The following DHX40 variants were observed in gnomAD, a reference collection of about 807,000 sequenced individuals.
The protein encoded by DHX40 is probable ATP-dependent RNA helicase DHX40.
In DHX40, 28 loss-of-function variants were observed where a neutral mutation model predicts 89.6. The ratio of observed to expected loss-of-function variants is 0.31; its 90% CI spans 0.23 to 0.43. DHX40 has a LOEUF of 0.43. Among genes scored for constraint, DHX40 ranks in the 20% least tolerant of loss-of-function variants. The probability of loss-of-function intolerance (pLI) is 1.00; values close to 1 mark genes in which losing one functional copy is unlikely to be tolerated. For synonymous variants in DHX40, 226 were observed against 283.6 expected, an observed-to-expected ratio of 0.80 and a Z score of 2.04; for missense variants, 457 against 844.0, an observed-to-expected ratio of 0.54 and a Z score of 5.68.
rs1181373006 is a variant in DHX40 at position 59,602,573 on chromosome 17, C to T, written c.1858C>T (p.Arg620Ter). ...TFEGPKHEVLRRCLCAGYFKN... is the reference protein window; with the variant it reads ...TFEGPKHEVL ...TGAAGGCCCTAAACATGAAGTACTA[C>T]GAAGATGTCTTTGTGCGGGCTATTT... is the stretch of plus-strand genomic sequence containing the variant. Residue 620 changes from arginine (R) to a stop codon, truncating the protein, a stop_gained, in exon 15 of 18, where the codon CGA becomes TGA. Transcript: ENST00000251241. LOFTEE classifies it high-confidence loss of function. 1.9e-6 allele frequency: 3 copies of T among 1,613,578 alleles called. No individual in the cohort carries two copies. Among genetic ancestry groups the T allele is most frequent in the Non-Finnish European group, 2.5e-6 (3 of 1,179,812 alleles).
chr17:59,606,518 G>A (rs943294949), intron 17 of DHX40, among the ~76,000 whole-genome samples: 5 of 152,220 alleles, frequency 3.3e-5, no homozygotes, highest in Middle Eastern at 3.4e-3. Context: ...AGACCAAGGC[G>A]GGCGGATCAC....
At chr17:59,567,408 C>G (rs2048721922) in intron 2 of DHX40, among the ~76,000 whole-genome samples, 1 of 152,148 alleles carries the variant, frequency 6.6e-6, no homozygotes, top group South Asian at 2.1e-4. Context: ...AGCCAAATCC[C>G]CAAACAGACC....
In DHX40 at chr17:59,607,021, T is replaced by G. The variant is rs1454521730; in HGVS notation, c.2201-12T>G. The G allele has an allele frequency of 6.2e-7, 1 of 1,607,888 alleles. No homozygotes were observed. The highest frequency in any genetic ancestry group is 1.3e-5 in the African/African-American group (1 of 74,512). On this transcript the variant is annotated splice_polypyrimidine_tract_variant and intron_variant, in intron 17 of 17. Transcript: ENST00000251241. ...AGCTAAGTTTTATTGGATTAATTTGTAATGTTTTCAGATGGAATATCGAAA... is the reference window on the plus strand; with the variant it reads ...AGCTAAGTTTTATTGGATTAATTTGGAATGTTTTCAGATGGAATATCGAAA...
At chr17:59,567,900 C>T (rs2048730040) in intron 2 of DHX40, among the ~76,000 whole-genome samples, 1 of 149,858 alleles carries the variant, frequency 6.7e-6, no homozygotes, top group Non-Finnish European at 1.5e-5. Flanking sequence ...CCACTGTACT[C>T]CAGCCTGGGA....
At chr17:59,586,873 G>T (rs1205369806) in intron 11 of DHX40, among the ~76,000 whole-genome samples, 7 of 152,012 alleles carry the variant, frequency 4.6e-5, no homozygotes, top group Admixed American at 4.6e-4. Context: ...TATTCTCTTG[G>T]ATGTGCGTGG....
intron 2 of DHX40, among the ~76,000 whole-genome samples, chr17:59,567,960 C>T (rs1420706917): frequency 6.6e-6 from 1 of 151,490 alleles, no homozygotes; most frequent in Non-Finnish European, 1.5e-5. Flanking sequence ...TTAGGCCGGG[C>T]GCAGTGGCTC....
chr17:59,577,303 A>C lies in DHX40; in HGVS notation c.1011A>C (p.Gly337=). 2 of 1,613,946 alleles carry C rather than the reference A, an allele frequency of 1.2e-6. No individual in the cohort carries two copies. The highest frequency in any genetic ancestry group is 1.7e-6 in the Non-Finnish European group (2 of 1,179,860). The part of the protein sequence containing the change: ...QRRIFLPPPP[G]IRKCVISTNI... The stretch of plus-strand genomic sequence containing the variant: ...GGATATTTTTGCCACCACCACCTGG[A>C]ATTAGAAAATGTGTCATATCCACCA... The change falls in exon 8 of 18, where the codon GGA becomes GGC. Residue 337 remains glycine, a synonymous_variant. Coordinates refer to ENST00000251241, the MANE Select transcript of DHX40 (RefSeq NM_024612.5).
intron 16 of DHX40, 60 bp from the exon 17 acceptor site, chr17:59,605,386 T>G (rs2143376692): frequency 6.5e-7 from 1 of 1,539,784 alleles, no homozygotes; most frequent in South Asian, 1.2e-5. Flanking sequence ...ATTTGGTTGG[T>G]TTAATGTGGA....
chr17:59,585,493 C>T (rs2531918), intron 10 of DHX40, among the ~76,000 whole-genome samples: 1,763 of 148,542 alleles, frequency 0.012, 35 homozygotes, highest in African/African-American at 0.032. Flanking sequence ...GAGGCCGAGG[C>T]GGGCGGATTG....
intron 8 of DHX40, among the ~76,000 whole-genome samples, chr17:59,577,889 G>A (rs563934459): frequency 3.3e-4 from 50 of 152,172 alleles, no homozygotes; most frequent in African/African-American, 1.1e-3. Flanking sequence ...TACCTTAGAT[G>A]ATTTGATATT....
chr17:59,592,312 C>G (rs1402511391), intron 12 of DHX40, among the ~76,000 whole-genome samples: 1 of 151,846 alleles, frequency 6.6e-6, no homozygotes, highest in Non-Finnish European at 1.5e-5. Context: ...CCCTATATAA[C>G]TACAGTTTGA....
In DHX40 at chr17:59,565,792, C is replaced by G; in HGVS notation, c.112+9C>G. ...TTGCATCGCCGATAGAGGTGCGGTC[C>G]GCGGGACGGTACGGAAGCCAGCGGG... is the stretch of plus-strand genomic sequence containing the variant. On this transcript the variant is annotated intron_variant, in intron 1 of 17. Coordinates refer to ENST00000251241, the MANE Select transcript of DHX40 (RefSeq NM_024612.5). 1 of 1,593,300 alleles carries G rather than the reference C, an allele frequency of 6.3e-7. No homozygotes were observed. The highest frequency in any genetic ancestry group is 8.5e-7 in the Non-Finnish European group (1 of 1,173,458).
chr17:59,566,366 T>G (rs1394477067), intron 1 of DHX40, among the ~76,000 whole-genome samples: 1 of 152,242 alleles, frequency 6.6e-6, no homozygotes, highest in Non-Finnish European at 1.5e-5. Context: ...TGAGCTATAC[T>G]TGCTTTGAAA....
intron 10 of DHX40, among the ~76,000 whole-genome samples, chr17:59,580,931 A>G (rs992001010): frequency 4.0e-5 from 6 of 150,816 alleles, no homozygotes; most frequent in Non-Finnish European, 8.8e-5. Flanking sequence ...AAAATATAAA[A>G]ATTAGCTGAG....
intron 1 of DHX40, among the ~76,000 whole-genome samples, chr17:59,566,309 A>G (rs1252162416): frequency 1.3e-5 from 2 of 152,204 alleles, no homozygotes; most frequent in Non-Finnish European, 2.9e-5. Flanking sequence ...GTTAAATAAA[A>G]TTGAGTTTTG....
intron 7 of DHX40, among the ~76,000 whole-genome samples, chr17:59,576,867 GTT>G (rs751587416): frequency 2.1e-5 from 3 of 142,336 alleles, no homozygotes; most frequent in Admixed American, 7.0e-5. Flanking sequence ...TCTTGCCTCT[GTT>G]TTTTTTTTTT....
At chr17:59,588,755 T>G (rs142467689) in intron 12 of DHX40, among the ~76,000 whole-genome samples, 3 of 152,228 alleles carry the variant, frequency 2.0e-5, no homozygotes, top group Non-Finnish European at 4.4e-5. Flanking sequence ...CATTGACTTT[T>G]GCAGAGCGGA....
At chr17:59,566,335 A>G (rs577782897) in intron 1 of DHX40, among the ~76,000 whole-genome samples, 49 of 152,350 alleles carry the variant, frequency 3.2e-4, no homozygotes, top group South Asian at 1.7e-3. Context: ...CTGTGTAAGT[A>G]TGCATGTGTA....
chr17:59,603,016 G>A (rs2030627914), intron 15 of DHX40, among the ~76,000 whole-genome samples: 1 of 152,140 alleles, frequency 6.6e-6, no homozygotes, highest in South Asian at 2.1e-4. Context: ...TTGGTTTGGG[G>A]CATCAGTCAG....
Sources: gnomAD v4.1 joint callset for allele counts (sites outside exome capture counted in the v4.1 genomes callset) on GRCh38, gnomAD v4.1.1 for gene constraint, MANE v1.5 for transcripts, NCBI Gene and HGNC (gene_info 2026-07-23, HGNC 2026-07-21) for gene names.